RFX8: variants seen among roughly 807,000 people sequenced by gnomAD.
RFX8 encodes the protein regulatory factor X8, also known as DNA-binding protein RFX8.
RFX8 carries 46 observed loss-of-function variants against 54.6 expected under a neutral mutation model. The ratio of observed to expected loss-of-function variants is 0.84; its 90% CI spans 0.67 to 1.08. The LOEUF is 1.08. RFX8 is among the 50% of genes least tolerant of loss of function. RFX8 has a pLI of 0.00. For synonymous variants in RFX8, 192 were observed against 209.5 expected (o/e 0.92, Z 0.72); for missense variants, 536 against 562.3 (o/e 0.95, Z 0.47).
intron 2 of RFX8, among the ~76,000 whole-genome samples, chr2:101,432,854 G>C (rs896360008): frequency 2.0e-5 from 3 of 152,190 alleles, no homozygotes; most frequent in Non-Finnish European, 4.4e-5. Flanking sequence ...CACCGAGTTA[G>C]AGAAAAACAA....
At chr2:101,456,001 G>A (rs181257867) in intron 2 of RFX8, among the ~76,000 whole-genome samples, 4 of 152,264 alleles carry the variant, frequency 2.6e-5, no homozygotes, top group African/African-American at 9.6e-5. Flanking sequence ...GTTCACTCAT[G>A]ATTTGGCTCT....
At chr2:101,453,994 A>G (rs1337335516) in intron 2 of RFX8, among the ~76,000 whole-genome samples, 1 of 152,096 alleles carries the variant, frequency 6.6e-6, no homozygotes, top group Non-Finnish European at 1.5e-5. Flanking sequence ...GGTTTGCTGC[A>G]CCCATCAACT....
Position 101,402,608 on chromosome 2 carries a change from T to C in RFX8, c.1073A>G (p.Gln358Arg), listed in dbSNP as rs1235103095. ...PDDPTLGQPD[Q>R]ALFHSLNSSL... is the part of the protein sequence containing the mutation. The stretch of plus-strand genomic sequence containing the variant: ...GGAATTCAGAGAATGGAAAAGTGCC[T>C]GGTCTGGCTGGCCGAGAGTCGGGTC... Residue 358 changes from glutamine (Q) to arginine (R), a missense_variant, in exon 11 of 12, where the codon CAG becomes CGG. Transcript: ENST00000428343. The C allele has an allele frequency of 2.6e-6, 4 of 1,552,100 alleles. No individual in the cohort carries two copies. The highest frequency in any genetic ancestry group is 2.6e-6 in the Non-Finnish European group (3 of 1,147,098).
chr2:101,428,423 C>A (rs1453203662), intron 2 of RFX8, among the ~76,000 whole-genome samples: 1 of 152,146 alleles, frequency 6.6e-6, no homozygotes, highest in African/African-American at 2.4e-5. Flanking sequence ...GAGGGCCCTC[C>A]GGTAACCTGG....
At chr2:101,402,807 A>G (rs1188423062) in intron 10 of RFX8, 55 bp from the exon 11 acceptor site, 2 of 1,442,642 alleles carry the variant, frequency 1.4e-6, no homozygotes, top group African/African-American at 2.8e-5. Flanking sequence ...ACAATAAACA[A>G]ATCATTGTGA....
chr2:101,416,284 AAAGGAGC>A (rs1288263346), intron 6 of RFX8, among the ~76,000 whole-genome samples: 1 of 152,172 alleles, frequency 6.6e-6, no homozygotes, highest in African/African-American at 2.4e-5. Flanking sequence ...GGCAGATGTT[AAAGGAGC>A]ACAGGAAAAC....
At position 101,466,697 on chromosome 2, in the gene RFX8, C is replaced by T. The variant is rs906235085; in HGVS notation, c.72+80G>A. 66 of 1,008,518 alleles carry T rather than the reference C, an allele frequency of 6.5e-5. No homozygotes were observed. In the African/African-American group the frequency reaches 9.6e-4, roughly 15 times the overall value. 62.5% of individuals were successfully genotyped at this position (1,008,518 alleles called of 1,614,324 possible). ...ACTGAAAATCCATTAGACTCAAATA[C>T]ATTGCAACATTTCCTCCAATAACTT... is the stretch of plus-strand genomic sequence containing the variant. On this transcript the variant is annotated intron_variant, in intron 2 of 11. Transcript: ENST00000428343.
rs545313440 is a variant in RFX8 at position 101,400,548 on chromosome 2, TCA to T, written c.1245+1886_1245+1887del. Among the ~76,000 whole-genome samples the T allele has an allele frequency of 3.2e-4, 48 of 152,314 alleles. No homozygotes were observed. The East Asian group carries it at 9.1e-3, about 29-fold the overall frequency. ...ACCCGCCACCCTGTCCCTTCTGTAC[TCA>T]GAGTTAAGCCCAATCTCCCTCCCCG... On this transcript the variant is annotated intron_variant, in intron 11 of 11. Transcript: ENST00000428343.
chr2:101,426,096 A>G (rs1687154649), intron 2 of RFX8, among the ~76,000 whole-genome samples: 1 of 152,244 alleles, frequency 6.6e-6, no homozygotes, highest in South Asian at 2.1e-4. Context: ...AAGTATCCCA[A>G]TTATACTGAT....
intron 8 of RFX8, among the ~76,000 whole-genome samples, chr2:101,411,945 C>T (rs1686156009): frequency 6.6e-6 from 1 of 152,184 alleles, no homozygotes; most frequent in Non-Finnish European, 1.5e-5. Context: ...CGTCAAGTCA[C>T]GAAACACTGA....
chr2:101,469,299 C>T (rs1021531127), intron 1 of RFX8, among the ~76,000 whole-genome samples: 1 of 138,778 alleles, frequency 7.2e-6, no homozygotes, highest in East Asian at 2.1e-4. Context: ...CGACTACAGG[C>T]GTGTGACCAT....
At chr2:101,470,997 G>A (rs545633533) in intron 1 of RFX8, among the ~76,000 whole-genome samples, 125 of 149,908 alleles carry the variant, frequency 8.3e-4, no homozygotes, top group African/African-American at 2.9e-3. Context: ...GGGATTACAG[G>A]CGTGAGCCAC....
chr2:101,421,923 T>A (rs990030831), intron 3 of RFX8, 146 bp from the exon 4 acceptor site: 1 of 576,656 alleles, frequency 1.7e-6, no homozygotes, highest in Admixed American at 3.5e-5. Flanking sequence ...GGCCACAGCA[T>A]TTTTTTTGTT....
At chr2:101,413,095 T>C (rs1686249509) in intron 7 of RFX8, 24 bp from the exon 8 acceptor site, 9 of 1,538,194 alleles carry the variant, frequency 5.9e-6, no homozygotes, top group Non-Finnish European at 7.9e-6. Flanking sequence ...GGAGGCATAA[T>C]ACTTAATTCA....
At chr2:101,404,124 C>T (rs1479694503) in intron 10 of RFX8, among the ~76,000 whole-genome samples, 1 of 152,206 alleles carries the variant, frequency 6.6e-6, no homozygotes. Context: ...GAAGGCTGTG[C>T]CAACCTTTTG....
chr2:101,440,858 TG>T (rs1688058586), intron 2 of RFX8, among the ~76,000 whole-genome samples: 1 of 152,162 alleles, frequency 6.6e-6, no homozygotes, highest in Admixed American at 6.5e-5. Flanking sequence ...TTGTTCAGTG[TG>T]CATACATTTA....
chr2:101,444,879 C>T (rs1165807769), intron 2 of RFX8, among the ~76,000 whole-genome samples: 1 of 152,162 alleles, frequency 6.6e-6, no homozygotes, highest in Admixed American at 6.5e-5. Context: ...AATGTAATCT[C>T]ACAACAGTCC....
chr2:101,445,610 G>GAAAAAATAAAAAAA (rs1192232931), intron 2 of RFX8, among the ~76,000 whole-genome samples: 16 of 151,522 alleles, frequency 1.1e-4, no homozygotes, highest in African/African-American at 3.6e-4. Context: ...TATATTTTTT[G>GAAAAAATAAAAAAA]AAGAGATGAG....
chr2:101,460,444 T>C (rs73943484), intron 2 of RFX8, among the ~76,000 whole-genome samples: 4,425 of 152,244 alleles, frequency 0.029, 212 homozygotes, highest in African/African-American at 0.1. Context: ...TTTCTGGGTT[T>C]GATTAGTGAA....
Sources: gnomAD v4.1 joint callset for allele counts (sites outside exome capture counted in the v4.1 genomes callset) on GRCh38, gnomAD v4.1.1 for gene constraint, MANE v1.5 for transcripts, NCBI Gene and HGNC (gene_info 2026-07-23, HGNC 2026-07-21) for gene names.